The following PTPRD variants were observed in gnomAD, a reference collection of about 807,000 sequenced individuals.
PTPRD encodes protein tyrosine phosphatase receptor type D.
Under a neutral mutation model 214.5 loss-of-function variants are expected in PTPRD, and 34 were observed. The observed-to-expected ratio is 0.16, with a 90% confidence interval of 0.12 to 0.21. The LOEUF (loss-of-function observed/expected upper bound fraction) is 0.21. PTPRD is among the 10% of genes least tolerant of loss of function. The pLI is 1.00. For synonymous variants in PTPRD, 1,128 were observed against 845.7 expected (o/e 1.33, Z -5.79); for missense variants, 2,545 against 2,398.7 (o/e 1.06, Z -1.27).
At position 8,734,285 on chromosome 9, in the gene PTPRD, T is replaced by C. The variant is rs75110289; in HGVS notation, c.-103-339A>G. Among the ~76,000 whole-genome samples the C allele has an allele frequency of 6.5e-4, 99 of 152,308 alleles. No homozygotes were observed. The East Asian group carries it at 0.013, about 20-fold the overall frequency. ...AGGAACTGTCACTTCTTATGAAACA[T>C]TACGTAAATACATCAGTGCAAAGAA... On this transcript the variant is annotated intron_variant, in intron 11 of 45. Coordinates refer to ENST00000381196, the MANE Select transcript of PTPRD (RefSeq NM_002839.4).
chr9:9,335,421 G>A (rs1005839791), intron 9 of PTPRD, among the ~76,000 whole-genome samples: 1 of 151,998 alleles, frequency 6.6e-6, no homozygotes, highest in Non-Finnish European at 1.5e-5. Flanking sequence ...TATTGTCATA[G>A]AAATTATTTC....
intron 11 of PTPRD, among the ~76,000 whole-genome samples, chr9:8,944,678 C>G (rs537306227): frequency 6.6e-6 from 1 of 152,080 alleles, no homozygotes; most frequent in Non-Finnish European, 1.5e-5. Context: ...TGTTCACACT[C>G]ATTTGTGAGA....
intron 3 of PTPRD, among the ~76,000 whole-genome samples, chr9:10,153,852 A>G (rs1413220975): frequency 6.6e-6 from 1 of 152,050 alleles, no homozygotes; most frequent in African/African-American, 2.4e-5. Context: ...TCCATGGTAT[A>G]TATTGTACCA....
chr9:10,245,888 C>T, intron 3 of PTPRD, among the ~76,000 whole-genome samples: 1 of 152,072 alleles, frequency 6.6e-6, no homozygotes, highest in East Asian at 1.9e-4. Context: ...AATGAGGTGG[C>T]ATGTGAGATA....
chr9:8,656,636 G>C (rs905252611), intron 12 of PTPRD, among the ~76,000 whole-genome samples: 19 of 152,200 alleles, frequency 1.2e-4, no homozygotes, highest in African/African-American at 4.1e-4. Context: ...ACACACAGTG[G>C]TGTTAGAAAG....
At chr9:10,575,166 T>G (rs2132132012) in intron 2 of PTPRD, among the ~76,000 whole-genome samples, 1 of 152,126 alleles carries the variant, frequency 6.6e-6, no homozygotes, top group East Asian at 1.9e-4. Flanking sequence ...TTTGACACTG[T>G]AGACATCAAC....
At chr9:10,223,298 T>A (rs541280975) in intron 3 of PTPRD, among the ~76,000 whole-genome samples, 2 of 152,076 alleles carry the variant, frequency 1.3e-5, no homozygotes, top group South Asian at 4.1e-4. Flanking sequence ...GTCCATTTTA[T>A]GCCCATGTCC....
chr9:9,833,506 G>A (rs555224330), intron 5 of PTPRD, among the ~76,000 whole-genome samples: 6 of 151,604 alleles, frequency 4.0e-5, no homozygotes, highest in East Asian at 2.0e-4. Context: ...ATGAAGTTTC[G>A]GGCACCATTG....
chr9:8,422,206 T>TA (rs1227797237), intron 35 of PTPRD, among the ~76,000 whole-genome samples: 19 of 89,802 alleles, frequency 2.1e-4, no homozygotes, highest in Non-Finnish European at 4.7e-4. Flanking sequence ...TATATTGCAA[T>TA]AATAAAATGA....
intron 4 of PTPRD, among the ~76,000 whole-genome samples, chr9:10,018,447 A>C (rs1017376384): frequency 6.6e-6 from 1 of 151,954 alleles, no homozygotes; most frequent in Non-Finnish European, 1.5e-5. Flanking sequence ...TACAAATAGC[A>C]GATAAAATTT....
chr9:9,509,945 A>G (rs1234645847), intron 8 of PTPRD, among the ~76,000 whole-genome samples: 1 of 151,532 alleles, frequency 6.6e-6, no homozygotes, highest in African/African-American at 2.4e-5. Flanking sequence ...TCCATTTCCA[A>G]CTGGCTGCCT....
chr9:9,392,440 C>T (rs1376893854), intron 9 of PTPRD, among the ~76,000 whole-genome samples: 2 of 152,138 alleles, frequency 1.3e-5, no homozygotes, highest in Non-Finnish European at 2.9e-5. Context: ...CTTGAGGATT[C>T]AACTGAGATA....
At chr9:9,296,293 TTTAA>T (rs1394537716) in intron 9 of PTPRD, among the ~76,000 whole-genome samples, 1 of 151,738 alleles carries the variant, frequency 6.6e-6, no homozygotes, top group Non-Finnish European at 1.5e-5. Context: ...TCACATGACC[TTTAA>T]TTACTGTACT....
At chr9:9,655,815 TA>T in intron 7 of PTPRD, among the ~76,000 whole-genome samples, 1 of 147,012 alleles carries the variant, frequency 6.8e-6, no homozygotes, top group East Asian at 2.1e-4. Flanking sequence ...CCATGTCTAC[TA>T]AAAATGCAAA....
At chr9:9,256,205 G>C (rs143197629) in intron 9 of PTPRD, among the ~76,000 whole-genome samples, 1 of 151,980 alleles carries the variant, frequency 6.6e-6, no homozygotes, top group Admixed American at 6.6e-5. Flanking sequence ...GGACCACAAA[G>C]AAGAGTGACA....
chr9:8,467,113 A>G (rs1021436723), intron 31 of PTPRD, among the ~76,000 whole-genome samples: 1 of 151,974 alleles, frequency 6.6e-6, no homozygotes, highest in African/African-American at 2.4e-5. Flanking sequence ...TTTTTCAATA[A>G]TATTTAATTT....
chr9:10,482,189 G>A (rs536954963), intron 2 of PTPRD, among the ~76,000 whole-genome samples: 5 of 151,932 alleles, frequency 3.3e-5, no homozygotes, highest in South Asian at 4.1e-4. Context: ...GGCTAACACA[G>A]TGAAACCCCA....
intron 7 of PTPRD, among the ~76,000 whole-genome samples, chr9:9,625,686 T>C (rs947522278): frequency 1.3e-5 from 2 of 152,156 alleles, no homozygotes; most frequent in African/African-American, 4.8e-5. Context: ...TCTTAGGTTA[T>C]TGCAGATGGT....
At chr9:8,967,487 A>T (rs1370925958) in intron 11 of PTPRD, among the ~76,000 whole-genome samples, 1 of 152,136 alleles carries the variant, frequency 6.6e-6, no homozygotes, top group Non-Finnish European at 1.5e-5. Context: ...AATACTACAT[A>T]GCCATAAAAA....
Sources: allele counts gnomAD v4.1 joint callset (sites outside exome capture counted in the v4.1 genomes callset), GRCh38; gene constraint gnomAD v4.1.1; transcripts MANE v1.5; gene names NCBI Gene and HGNC (gene_info 2026-07-23, HGNC 2026-07-21).